The following NELL1 variants were observed in gnomAD, a reference collection of about 807,000 sequenced individuals.
NELL1 encodes protein kinase C-binding protein NELL1.
Under a neutral mutation model 107.4 loss-of-function variants are expected in NELL1, and 76 were observed. The observed-to-expected ratio is 0.71, with a 90% CI of 0.59 to 0.86. NELL1 has a LOEUF of 0.86. Among genes scored for constraint, NELL1 ranks in the 40% least tolerant of loss-of-function variants. NELL1 has a pLI of 0.00. For missense variants in NELL1, 1,024 were observed against 1,005.5 expected (o/e 1.02, Z -0.25); for synonymous variants, 353 against 341.2 (o/e 1.03, Z -0.38).
In NELL1 at chr11:20,669,955, C is replaced by G. The variant is rs982104293; in HGVS notation, c.55+177C>G. ...GTGACAGGGTGAAAATAGGGACTCA[C>G]GGGCTTGAAGATGTCCCCGTTGAGT... On this transcript the variant is annotated intron_variant, in intron 1 of 19. Coordinates refer to ENST00000357134, the MANE Select transcript of NELL1 (RefSeq NM_006157.5). This position sits in a 1 kb window ranked among gnomAD's most constrained non-coding sequence, Gnocchi z 4.4. Among the ~76,000 whole-genome samples the G allele has an allele frequency of 6.6e-6, 1 of 152,146 alleles. No individual in the cohort carries two copies. The highest frequency in any genetic ancestry group is 1.5e-5 in the Non-Finnish European group (1 of 68,008).
At chr11:21,019,933 C>A (rs990784682) in intron 12 of NELL1, among the ~76,000 whole-genome samples, 2 of 152,034 alleles carry the variant, frequency 1.3e-5, no homozygotes, top group Non-Finnish European at 2.9e-5. Context: ...GTTCAGTTTC[C>A]TTGGAAATCT....
chr11:21,262,584 T>A (rs1219224784), intron 14 of NELL1: 1 of 151,920 alleles, frequency 6.6e-6, no homozygotes, highest in Non-Finnish European at 1.5e-5. Context: ...TTTCTGTTTG[T>A]AAATCATTGT....
chr11:21,169,255 C>A (rs540513066), intron 13 of NELL1, among the ~76,000 whole-genome samples: 24 of 151,934 alleles, frequency 1.6e-4, no homozygotes, highest in Non-Finnish European at 2.8e-4. Flanking sequence ...TAGGGTTCCA[C>A]ACAGGGTACT....
chr11:20,685,696 A>G (rs1265824362), intron 2 of NELL1, among the ~76,000 whole-genome samples: 4 of 152,116 alleles, frequency 2.6e-5, no homozygotes, highest in Admixed American at 1.3e-4. Context: ...GAGTCTATAC[A>G]TTTTAAAGTA....
At chr11:20,747,469 G>T (rs1315641315) in intron 2 of NELL1, among the ~76,000 whole-genome samples, 3 of 152,114 alleles carry the variant, frequency 2.0e-5, no homozygotes, top group Non-Finnish European at 4.4e-5. Context: ...ATTTTCTGTT[G>T]ATTATAACAG....
intron 13 of NELL1, among the ~76,000 whole-genome samples, chr11:21,146,907 G>A (rs1426937753): frequency 2.0e-5 from 3 of 152,122 alleles, no homozygotes; most frequent in Admixed American, 6.5e-5. Context: ...AGCTGTGTGC[G>A]GTGGCGTGTG....
At chr11:21,410,876 T>A (rs548541833) in intron 15 of NELL1, among the ~76,000 whole-genome samples, 1 of 152,184 alleles carries the variant, frequency 6.6e-6, no homozygotes, top group African/African-American at 2.4e-5. Context: ...TAAATGGCAA[T>A]TTAGGTGTGA....
intron 11 of NELL1, among the ~76,000 whole-genome samples, chr11:20,949,763 A>G (rs561099410): frequency 6.6e-6 from 1 of 152,304 alleles, no homozygotes; most frequent in East Asian, 1.9e-4. Flanking sequence ...TCCCGTTGCT[A>G]GCAAGCAGTG....
At chr11:21,330,004 G>A (rs1178162544) in intron 14 of NELL1, among the ~76,000 whole-genome samples, 1 of 151,854 alleles carries the variant, frequency 6.6e-6, no homozygotes, top group East Asian at 1.9e-4. Context: ...TAAATTATAT[G>A]TTTGTAAATT....
intron 14 of NELL1, among the ~76,000 whole-genome samples, chr11:21,341,688 A>G (rs1273856533): frequency 6.6e-6 from 1 of 152,222 alleles, no homozygotes; most frequent in Non-Finnish European, 1.5e-5. Flanking sequence ...CTGCTTATTC[A>G]CACATCACAC....
At chr11:21,419,280 A>G (rs1050303808) in intron 15 of NELL1, among the ~76,000 whole-genome samples, 3 of 152,096 alleles carry the variant, frequency 2.0e-5, no homozygotes, top group Non-Finnish European at 2.9e-5. Context: ...TCCCAAACTG[A>G]TCTTTTATCC....
intron 10 of NELL1, among the ~76,000 whole-genome samples, chr11:20,946,053 G>A (rs1317526205): frequency 6.6e-6 from 1 of 152,202 alleles, no homozygotes; most frequent in African/African-American, 2.4e-5. Context: ...TCCAAAAGAT[G>A]AGCAGTTGGA....
chr11:20,865,637 TGG>T (rs899771405), intron 4 of NELL1, among the ~76,000 whole-genome samples: 5 of 152,118 alleles, frequency 3.3e-5, no homozygotes, highest in African/African-American at 1.2e-4. Flanking sequence ...TTCTTCACTG[TGG>T]GGTCACCTTG....
At chr11:20,861,060 G>A (rs67498154) in intron 4 of NELL1, among the ~76,000 whole-genome samples, 27,107 of 152,018 alleles carry the variant, frequency 0.18, 3,794 homozygotes, top group African/African-American at 0.38. Context: ...TGACTCCCAG[G>A]CTATATTGGT....
chr11:20,984,517 C>G (rs1851812563), intron 12 of NELL1, among the ~76,000 whole-genome samples: 1 of 152,168 alleles, frequency 6.6e-6, no homozygotes, highest in Non-Finnish European at 1.5e-5. Flanking sequence ...GTAATTCATT[C>G]CCTTTCTTCT....
intron 4 of NELL1, among the ~76,000 whole-genome samples, chr11:20,849,511 G>A (rs922113648): frequency 6.6e-6 from 1 of 152,146 alleles, no homozygotes; most frequent in Admixed American, 6.5e-5. Flanking sequence ...AGTGAGAAGA[G>A]GATAGGAGAT....
At chr11:21,373,123 A>G (rs1851394524) in intron 15 of NELL1, among the ~76,000 whole-genome samples, 1 of 152,128 alleles carries the variant, frequency 6.6e-6, no homozygotes. Flanking sequence ...ATTTAATGCT[A>G]TACTTCATCT....
At chr11:21,486,945 T>G (rs1313078295) in intron 15 of NELL1, among the ~76,000 whole-genome samples, 1 of 151,914 alleles carries the variant, frequency 6.6e-6, no homozygotes, top group Non-Finnish European at 1.5e-5. Flanking sequence ...TAGAAAAGAA[T>G]GAACAAAGAC....
chr11:20,694,133 C>T (rs900163621), intron 2 of NELL1, among the ~76,000 whole-genome samples: 3 of 152,144 alleles, frequency 2.0e-5, no homozygotes, highest in South Asian at 2.1e-4. Context: ...CTTTCAGCTC[C>T]ATCAGCTCCT....
Sources: gnomAD v4.1 joint callset for allele counts (sites outside exome capture counted in the v4.1 genomes callset) on GRCh38, gnomAD v4.1.1 for gene constraint, Gnocchi (gnomAD v3.1) non-coding constraint, MANE v1.5 for transcripts, NCBI Gene and HGNC (gene_info 2026-07-23, HGNC 2026-07-21) for gene names.